Variants in CCDC30 observed in about 807,000 individuals in gnomAD.
CCDC30 encodes coiled-coil domain-containing protein 30.
CCDC30 carries 70 observed loss-of-function variants against 100.2 expected under a neutral mutation model. That is an observed-to-expected ratio of 0.70 (90% CI 0.58 to 0.85). The LOEUF (loss-of-function observed/expected upper bound fraction) is 0.85, where lower values mean the gene tolerates loss of function less well. Among genes scored for constraint, CCDC30 ranks in the 40% least tolerant of loss-of-function variants. The pLI is 0.00. For synonymous variants in CCDC30, 233 were observed against 269.5 expected, an observed-to-expected ratio of 0.86 and a Z score of 1.33; for missense variants, 652 against 771.2, an observed-to-expected ratio of 0.85 and a Z score of 1.83.
chr1:42,585,671 A>ATATATATATATATATATATATATG (rs1646053479), intron 9 of CCDC30, among the ~76,000 whole-genome samples: 1 of 152,018 alleles, frequency 6.6e-6, no homozygotes, highest in African/African-American at 2.4e-5. Context: ...TTTATAATAT[A>ATATATATATATATATATATATATG]TGCATGTAAT....
At chr1:42,551,405 G>A (rs1459928803) in intron 6 of CCDC30, among the ~76,000 whole-genome samples, 1 of 152,130 alleles carries the variant, frequency 6.6e-6, no homozygotes, top group Non-Finnish European at 1.5e-5. Flanking sequence ...GCTGGGGGAA[G>A]GGAGGTGTTT....
chr1:42,457,105 G>A, the CCDC30 span: 3 of 1,575,526 alleles, frequency 1.9e-6, no homozygotes, highest in South Asian at 1.2e-5. Flanking sequence ...CTTTTGCCTG[G>A]AAGCACAGCC....
chr1:42,557,048 G>A (rs1645384931), intron 6 of CCDC30, among the ~76,000 whole-genome samples: 1 of 152,046 alleles, frequency 6.6e-6, no homozygotes, highest in South Asian at 2.1e-4. Context: ...CATTTTACAG[G>A]TTCTCTCTTA....
At chr1:42,502,835 T>G (rs1644341654) in intron 6 of CCDC30, among the ~76,000 whole-genome samples, 1 of 152,242 alleles carries the variant, frequency 6.6e-6, no homozygotes. Flanking sequence ...CATAATGTTT[T>G]CAAAGTTCAT....
intron 6 of CCDC30, chr1:42,500,485 C>G: frequency 1.7e-6 from 1 of 588,676 alleles, no homozygotes; most frequent in East Asian, 3.1e-5. Context: ...GTGATGTCGG[C>G]TCACTGTAAG....
intron 7 of CCDC30, among the ~76,000 whole-genome samples, chr1:42,567,084 A>G (rs577636663): frequency 1.3e-5 from 2 of 152,318 alleles, no homozygotes; most frequent in African/African-American, 4.8e-5. Context: ...ATAAGCCTCT[A>G]TTGAAGGTTC....
intron 6 of CCDC30, among the ~76,000 whole-genome samples, chr1:42,525,147 T>C (rs1256060260): frequency 6.6e-6 from 1 of 152,184 alleles, no homozygotes; most frequent in African/African-American, 2.4e-5. Flanking sequence ...CTTATCTTGC[T>C]TGGGAGTATT....
intron 6 of CCDC30, among the ~76,000 whole-genome samples, chr1:42,546,397 A>T (rs1351721326): frequency 1.2e-3 from 5 of 4,294 alleles, no homozygotes; most frequent in Admixed American, 4.7e-3. Context: ...AAAAAAAAAA[A>T]AAATATATAT....
chr1:42,494,164 T>C (rs1644191868), intron 4 of CCDC30, among the ~76,000 whole-genome samples: 1 of 152,150 alleles, frequency 6.6e-6, no homozygotes, highest in Non-Finnish European at 1.5e-5. Flanking sequence ...CAGATATAGA[T>C]CAATGGAACA....
intron 10 of CCDC30, among the ~76,000 whole-genome samples, chr1:42,603,539 T>A (rs1371665002): frequency 1.3e-5 from 2 of 152,204 alleles, no homozygotes; most frequent in Non-Finnish European, 2.9e-5. Context: ...ACATCATGTG[T>A]CATCAGGGAA....
chr1:42,616,019 G>A (rs528704858), intron 11 of CCDC30, among the ~76,000 whole-genome samples: 20 of 151,904 alleles, frequency 1.3e-4, no homozygotes, highest in African/African-American at 4.1e-4. Context: ...GGGTTCAAGC[G>A]ATTCTCCTGC....
intron 6 of CCDC30, among the ~76,000 whole-genome samples, chr1:42,508,808 A>T (rs1210627112): frequency 6.6e-6 from 1 of 152,216 alleles, no homozygotes; most frequent in Non-Finnish European, 1.5e-5. Flanking sequence ...GGAGAAAAAT[A>T]GTTCAGTTGA....
exon 11 of CCDC30, chr1:42,611,065 T>C (rs1646613124): frequency 6.2e-7 from 1 of 1,605,086 alleles, no homozygotes; most frequent in Non-Finnish European, 8.5e-7. Context: ...TTTGCGATTA[T>C]TGAAGCTGCT....
intron 12 of CCDC30, among the ~76,000 whole-genome samples, chr1:42,639,780 A>T (rs1647259128): frequency 6.6e-6 from 1 of 152,108 alleles, no homozygotes; most frequent in Admixed American, 6.5e-5. Flanking sequence ...TTTTTCATAG[A>T]TGTTATTTTC....
chr1:42,485,825 C>T (rs1032931959), intron 3 of CCDC30, among the ~76,000 whole-genome samples: 1 of 152,060 alleles, frequency 6.6e-6, no homozygotes, highest in Admixed American at 6.6e-5. Context: ...AAATATATAG[C>T]AAAACATTAC....
chr1:42,637,510 A>G, intron 12 of CCDC30, 132 bp downstream of exon 16: 2 of 795,330 alleles, frequency 2.5e-6, no homozygotes, highest in Non-Finnish European at 4.0e-6. Context: ...TCTTTGCACC[A>G]TCTTTCAATA....
At chr1:42,536,377 G>C in intron 6 of CCDC30, 99 bp from the exon 7 acceptor site, 1 of 725,042 alleles carries the variant, frequency 1.4e-6, no homozygotes. Flanking sequence ...TAAATCCCCT[G>C]GATGATTTCA....
At chr1:42,480,654 A>G in intron 2 of CCDC30, 88 bp downstream of exon 2, 1 of 976,718 alleles carries the variant, frequency 1.0e-6, no homozygotes, top group African/African-American at 1.7e-5. Flanking sequence ...TTTTGTTAAG[A>G]AGAAATTGGA....
At chr1:42,621,501 A>AT (rs1325525067) in intron 11 of CCDC30, among the ~76,000 whole-genome samples, 4 of 148,132 alleles carry the variant, frequency 2.7e-5, no homozygotes, top group African/African-American at 7.4e-5. Flanking sequence ...ATTTTATTTT[A>AT]TTTATTTATT....
Sources: allele counts gnomAD v4.1 joint callset (sites outside exome capture counted in the v4.1 genomes callset), GRCh38; gene constraint gnomAD v4.1.1; transcripts MANE v1.5; gene names NCBI Gene and HGNC (gene_info 2026-07-23, HGNC 2026-07-21).